Variants in ZYG11B observed in about 807,000 individuals in gnomAD.
ZYG11B encodes the protein protein zyg-11 homolog B.
A neutral mutation model predicts 82.4 loss-of-function variants in ZYG11B; 36 were observed. The ratio of observed to expected loss-of-function variants is 0.44; its 90% CI spans 0.33 to 0.58. ZYG11B has a LOEUF of 0.58. ZYG11B is among the 20% of genes least tolerant of loss of function. The probability of loss-of-function intolerance (pLI) is 0.02; values close to 1 mark genes in which losing one functional copy is unlikely to be tolerated. For synonymous variants in ZYG11B, 303 were observed against 312.8 expected (o/e 0.97, Z 0.33); for missense variants, 552 against 895.6 (o/e 0.62, Z 4.90).
chr1:52,771,789 A>C lies in ZYG11B; in HGVS notation c.951+15A>C. On this transcript the variant is annotated intron_variant, in intron 3 of 13. Transcript: ENST00000294353. This position sits in a 1 kb window ranked among gnomAD's most constrained non-coding sequence, Gnocchi z 5.4. ...GACATTTGAAGGTTAGACTTTAAAA[A>C]TGTATTATTTTGTCAGGCTGACCAA... The C allele has an allele frequency of 6.3e-7, 1 of 1,592,926 alleles. No individual in the cohort carries two copies. The highest frequency in any genetic ancestry group is 8.5e-7 in the Non-Finnish European group (1 of 1,169,662).
Position 52,726,464 on chromosome 1 carries a change from T to C in ZYG11B, c.-190T>C. 2.0e-6 allele frequency: 1 copy of C among 491,050 alleles called. No individual in the cohort carries two copies. The highest frequency in any genetic ancestry group is 3.2e-6 in the Non-Finnish European group (1 of 313,736). 30.4% of individuals were successfully genotyped at this position (491,050 alleles called of 1,614,324 possible). Reference sequence around the variant, plus strand: ...GTCCTCGCGGGGGCGGAGTCTGCGCTCTGGTTCGGGCTGCGGCTGCGGCTG... The same window carrying C: ...GTCCTCGCGGGGGCGGAGTCTGCGCCCTGGTTCGGGCTGCGGCTGCGGCTG... On this transcript the variant is annotated 5_prime_UTR_variant, in exon 1 of 14. Transcript: ENST00000294353.
At chr1:52,730,433 C>A (rs901214969) in intron 1 of ZYG11B, among the ~76,000 whole-genome samples, 33 of 152,232 alleles carry the variant, frequency 2.2e-4, no homozygotes, top group African/African-American at 7.7e-4. Context: ...CTCAAGCAGT[C>A]CTTCCAGCTC....
intron 10 of ZYG11B, among the ~76,000 whole-genome samples, chr1:52,804,176 T>C (rs1645121554): frequency 6.6e-6 from 1 of 152,104 alleles, no homozygotes. Context: ...CCCTAGGAGT[T>C]TGAGGGCTGC....
At chr1:52,806,567 ACTTT>A (rs141046124) in intron 10 of ZYG11B, among the ~76,000 whole-genome samples, 2,156 of 152,260 alleles carry the variant, frequency 0.014, 58 homozygotes, top group African/African-American at 0.05. Context: ...TTACCAAATG[ACTTT>A]CTTTACCCCT....
intron 1 of ZYG11B, among the ~76,000 whole-genome samples, chr1:52,748,495 G>T (rs1644494056): frequency 6.6e-6 from 1 of 152,202 alleles, no homozygotes; most frequent in African/African-American, 2.4e-5. Flanking sequence ...TAATTTTTCA[G>T]GTGCTGAGAA....
At chr1:52,815,935 A>AAAATAAAT (rs374136919) in intron 12 of ZYG11B, among the ~76,000 whole-genome samples, 2 of 152,156 alleles carry the variant, frequency 1.3e-5, no homozygotes, top group East Asian at 3.9e-4. Flanking sequence ...ACTCCGTATC[A>AAAATAAAT]AAATAAATAA....
chr1:52,764,655 C>T (rs989932009), intron 2 of ZYG11B, among the ~76,000 whole-genome samples: 4 of 152,048 alleles, frequency 2.6e-5, no homozygotes, highest in Admixed American at 1.3e-4. Flanking sequence ...TTTCATGGAG[C>T]GTATAGTCCA....
chr1:52,771,962 G>A lies in ZYG11B; in HGVS notation c.951+188G>A, dbSNP rs144444265. ...CCAGAACAAGCTATGATGTCACTTC[G>A]AGTTTTTATTTATTTGTAGAATAGA... On this transcript the variant is annotated intron_variant, in intron 3 of 13. Transcript: ENST00000294353. The surrounding 1 kb of genome is among the most constrained non-coding windows in gnomAD (Gnocchi z 5.4). Among the ~76,000 whole-genome samples the A allele has an allele frequency of 1.3e-5, 2 of 152,168 alleles. No homozygotes were observed. Among genetic ancestry groups the A allele is most frequent in the East Asian group, 1.9e-4 (1 of 5,172 alleles).
Position 52,822,929 on chromosome 1 carries a change from A to G in ZYG11B, c.*1300A>G, listed in dbSNP as rs1465209363. The G allele has an allele frequency of 3.3e-5, 5 of 152,186 alleles. No individual in the cohort carries two copies. Among genetic ancestry groups the G allele is most frequent in the Non-Finnish European group, 5.9e-5 (4 of 68,040 alleles). The allele number at this position is 152,186 out of a possible 1,614,324, so 9.4% of individuals were successfully genotyped here. A position where few individuals can be genotyped will look rare whatever the true frequency, so the allele number is the denominator to read the frequency against. ...ATTTTGTGAATAAGGTCAATCTACAATCCCAGATAACTACATTTTTTTTCA... is the reference window on the plus strand; with the variant it reads ...ATTTTGTGAATAAGGTCAATCTACAGTCCCAGATAACTACATTTTTTTTCA... On this transcript the variant is annotated 3_prime_UTR_variant, in exon 14 of 14. Coordinates refer to ENST00000294353, the MANE Select transcript of ZYG11B (RefSeq NM_024646.3).
chr1:52,727,062 C>T (rs1204898900), intron 1 of ZYG11B, among the ~76,000 whole-genome samples: 2 of 151,994 alleles, frequency 1.3e-5, no homozygotes, highest in Non-Finnish European at 2.9e-5. Context: ...CCCCTTTCCT[C>T]CCTAGTTTTC....
At chr1:52,817,276 A>G (rs750067966) in intron 13 of ZYG11B, among the ~76,000 whole-genome samples, 1 of 152,162 alleles carries the variant, frequency 6.6e-6, no homozygotes, top group Non-Finnish European at 1.5e-5. Flanking sequence ...CCGGTGCCCA[A>G]TTCTCATTCA....
At position 52,726,667 on chromosome 1, in the gene ZYG11B, A is replaced by T. The variant is rs956417755; in HGVS notation, c.14A>T (p.Gln5Leu). The part of the protein sequence containing the change: MPED[Q>L]AGAAMEEASP... Reference sequence around the variant, plus strand: ...GACGGAGGCTGCATGCCCGAGGACCAGGCCGGCGCAGCCATGGTGAGGGAG... The same window carrying T: ...GACGGAGGCTGCATGCCCGAGGACCTGGCCGGCGCAGCCATGGTGAGGGAG... The change falls in exon 1 of 14, where the codon CAG becomes CTG. Residue 5 changes from glutamine (Q) to leucine (L), a missense_variant. Gln to Leu is a moderately radical substitution (Grantham distance 113, BLOSUM62 -2). Around this residue, in one of 3 missense-constraint regions of ZYG11B, gnomAD observed 359 missense variants for 555.8 expected, o/e 0.65. Coordinates refer to ENST00000294353, the MANE Select transcript of ZYG11B (RefSeq NM_024646.3). 1.1e-5 allele frequency: 17 copies of T among 1,478,414 alleles called. No homozygotes were observed. The highest frequency in any genetic ancestry group is 1.4e-5 in the Non-Finnish European group (16 of 1,121,532). 91.6% of individuals were successfully genotyped at this position (1,478,414 alleles called of 1,614,324 possible).
intron 1 of ZYG11B, among the ~76,000 whole-genome samples, chr1:52,740,574 T>C (rs1571742309): frequency 1.3e-5 from 2 of 150,472 alleles, no homozygotes; most frequent in East Asian, 3.9e-4. Context: ...TCTTTTTTTT[T>C]TTTTTTTTTT....
At chr1:52,806,021 C>T (rs56832940) in intron 10 of ZYG11B, among the ~76,000 whole-genome samples, 5,638 of 151,944 alleles carry the variant, frequency 0.037, 322 homozygotes, top group African/African-American at 0.13. Flanking sequence ...ATTAATATAA[C>T]TTTATATGTT....
intron 4 of ZYG11B, among the ~76,000 whole-genome samples, chr1:52,781,238 C>T (rs12059611): frequency 0.024 from 3,710 of 152,152 alleles, 154 homozygotes; most frequent in African/African-American, 0.085. Context: ...GTGGCTCACA[C>T]CTGTAATCCC....
intron 13 of ZYG11B, among the ~76,000 whole-genome samples, chr1:52,820,023 C>T (rs1239757060): frequency 6.6e-6 from 1 of 151,160 alleles, no homozygotes; most frequent in East Asian, 2.0e-4. Flanking sequence ...ACGCCATTCT[C>T]CTGCCTCAGC....
intron 4 of ZYG11B, among the ~76,000 whole-genome samples, chr1:52,781,531 C>T (rs535565385): frequency 6.6e-6 from 1 of 151,982 alleles, no homozygotes; most frequent in Non-Finnish European, 1.5e-5. Context: ...TTTGTAAACC[C>T]CACTCCCAAA....
intron 10 of ZYG11B, among the ~76,000 whole-genome samples, chr1:52,806,506 A>G (rs1301515118): frequency 6.6e-6 from 1 of 152,150 alleles, no homozygotes; most frequent in Non-Finnish European, 1.5e-5. Flanking sequence ...GTATTATTAG[A>G]TGTATAAACA....
chr1:52,733,673 A>G (rs951214405), intron 1 of ZYG11B, among the ~76,000 whole-genome samples: 8 of 152,220 alleles, frequency 5.3e-5, no homozygotes, highest in African/African-American at 1.9e-4. Context: ...CAATCAATCA[A>G]TCAATCAGAG....
Sources: allele counts gnomAD v4.1 joint callset (sites outside exome capture counted in the v4.1 genomes callset), GRCh38; gene constraint gnomAD v4.1.1; regional missense constraint gnomAD v4.1.1; non-coding constraint Gnocchi (gnomAD v3.1); transcripts MANE v1.5; gene names NCBI Gene and HGNC (gene_info 2026-07-23, HGNC 2026-07-21).